The following ALDH1A1 variants were observed in gnomAD, a reference collection of about 807,000 sequenced individuals.
ALDH1A1 encodes aldehyde dehydrogenase 1A1.
A neutral mutation model predicts 62.1 loss-of-function variants in ALDH1A1; 19 were observed. The observed-to-expected ratio is 0.31, with a 90% CI of 0.21 to 0.45. ALDH1A1 has a LOEUF of 0.45. Among genes scored for constraint, ALDH1A1 ranks in the 20% least tolerant of loss-of-function variants. The pLI, the probability that ALDH1A1 is intolerant of heterozygous loss-of-function variation, is 1.00. For missense variants in ALDH1A1, 521 were observed against 607.1 expected (o/e 0.86, Z 1.49); for synonymous variants, 231 against 215.9 (o/e 1.07, Z -0.61).
At chr9:72,929,740 G>T (rs1222138644) in intron 3 of ALDH1A1, among the ~76,000 whole-genome samples, 3 of 152,260 alleles carry the variant, frequency 2.0e-5, no homozygotes, top group South Asian at 2.1e-4. Flanking sequence ...GAAATGCACA[G>T]GTGATGAACT....
At chr9:72,945,537 T>C (rs1830464962) in intron 1 of ALDH1A1, among the ~76,000 whole-genome samples, 1 of 151,986 alleles carries the variant, frequency 6.6e-6, no homozygotes, top group African/African-American at 2.4e-5. Flanking sequence ...CAGCATAGGC[T>C]GCATGGGTGG....
At chr9:72,950,899 T>C (rs1424115207) in intron 1 of ALDH1A1, among the ~76,000 whole-genome samples, 1 of 151,564 alleles carries the variant, frequency 6.6e-6, no homozygotes, top group South Asian at 2.1e-4. Flanking sequence ...GCAAATTCAA[T>C]CCAATTCTTC....
intron 8 of ALDH1A1, among the ~76,000 whole-genome samples, chr9:72,917,369 T>C (rs1212878500): frequency 6.6e-6 from 1 of 152,112 alleles, no homozygotes; most frequent in Non-Finnish European, 1.5e-5. Context: ...AATGTAGATT[T>C]GATCATGAGA....
At chr9:72,949,433 C>T (rs1214640107) in intron 1 of ALDH1A1, among the ~76,000 whole-genome samples, 1 of 151,852 alleles carries the variant, frequency 6.6e-6, no homozygotes, top group Non-Finnish European at 1.5e-5. Flanking sequence ...AGTGTGTTAG[C>T]TCAAACTGCC....
chr9:72,915,196 C>T (rs915456093), intron 9 of ALDH1A1, among the ~76,000 whole-genome samples: 1 of 152,130 alleles, frequency 6.6e-6, no homozygotes, highest in African/African-American at 2.4e-5. Context: ...GGATTATTTA[C>T]TTTAGAATCT....
chr9:72,908,539 GAAAGAAAAGAAAGAAGAAAGA>G (rs1829916959), intron 11 of ALDH1A1, among the ~76,000 whole-genome samples: 2 of 90,638 alleles, frequency 2.2e-5, no homozygotes, highest in Non-Finnish European at 4.6e-5. Context: ...AAGAAAGAAA[GAAAGAAAAGAAAGAAGAAAGA>G]AAGAAAGAAA....
rs1044554187 is a variant in ALDH1A1, at chr9:72,901,184, C to G, written c.*24G>C. The G allele has an allele frequency of 2.6e-6, 4 of 1,546,276 alleles. No homozygotes were observed. The highest frequency in any genetic ancestry group is 2.7e-6 in the Non-Finnish European group (3 of 1,120,658). ...AAGGAGATGCTTAGCTATTGAAGAG[C>G]TTCTCTCCACTCTTGTATTTTCTTT... On this transcript the variant is annotated 3_prime_UTR_variant, in exon 13 of 13. Coordinates refer to ENST00000297785, the MANE Select transcript of ALDH1A1 (RefSeq NM_000689.5).
At chr9:72,933,168 T>C (rs1474013724) in intron 2 of ALDH1A1, among the ~76,000 whole-genome samples, 3 of 152,222 alleles carry the variant, frequency 2.0e-5, no homozygotes, top group Non-Finnish European at 4.4e-5. Flanking sequence ...TGAATTCTGA[T>C]TCCTCTTCAT....
intron 1 of ALDH1A1, among the ~76,000 whole-genome samples, chr9:72,948,952 T>C (rs1830505746): frequency 6.6e-6 from 1 of 151,764 alleles, no homozygotes; most frequent in African/African-American, 2.4e-5. Context: ...GAGATAATCA[T>C]GGGGGAAAAG....
intron 2 of ALDH1A1, among the ~76,000 whole-genome samples, chr9:72,932,302 T>C (rs1023809487): frequency 1.3e-5 from 2 of 152,152 alleles, no homozygotes; most frequent in East Asian, 1.9e-4. Flanking sequence ...ACAATTAAGC[T>C]AAATCCCATC....
chr9:72,913,048 G>T (rs1004127928), intron 9 of ALDH1A1, among the ~76,000 whole-genome samples: 2 of 152,112 alleles, frequency 1.3e-5, no homozygotes, highest in Non-Finnish European at 2.9e-5. Context: ...AGCTAAGATG[G>T]GTTGGAGGGT....
Position 72,953,024 on chromosome 9 carries a change from AGGTGACT to A in ALDH1A1, c.-31_-25del, listed in dbSNP as rs777438040. On this transcript the variant is annotated 5_prime_UTR_variant, in exon 1 of 13. Coordinates refer to ENST00000297785, the MANE Select transcript of ALDH1A1 (RefSeq NM_000689.5). ...ATTTCTGATTCGGCTCCTGGAACACAGGTGACTGGCTCAGCAATTTGGTTCTGATAGA... is the reference window on the plus strand; with the variant it reads ...ATTTCTGATTCGGCTCCTGGAACACAGGCTCAGCAATTTGGTTCTGATAGA... 12 of 1,612,668 alleles carry A rather than the reference AGGTGACT, an allele frequency of 7.4e-6. No homozygotes were observed. The highest frequency in any genetic ancestry group is 1.0e-5 in the Non-Finnish European group (12 of 1,178,954).
rs189781496 is a variant in ALDH1A1 at position 72,918,829 on chromosome 9, G to C, written c.748-7C>G. 1.1e-5 allele frequency: 18 copies of C among 1,610,478 alleles called. No individual in the cohort carries two copies. The highest frequency in any genetic ancestry group is 1.1e-4 in the African/African-American group (8 of 74,936). On this transcript the variant is annotated splice_polypyrimidine_tract_variant and splice_region_variant and intron_variant, in intron 7 of 12. Coordinates refer to ENST00000297785, the MANE Select transcript of ALDH1A1 (RefSeq NM_000689.5). ...CTTTGATCAACTTGCCAACCTGAAA[G>C]GGAGCATTACAAAGGAGGAGGCTTA...
chr9:72,935,668 A>G (rs1160484195), intron 2 of ALDH1A1, among the ~76,000 whole-genome samples: 1 of 152,144 alleles, frequency 6.6e-6, no homozygotes, highest in South Asian at 2.1e-4. Flanking sequence ...TGAAAAGAAA[A>G]CAGTTCCCAC....
Position 72,932,366 on chromosome 9 carries a change from G to C in ALDH1A1, c.172-1347C>G, listed in dbSNP as rs897768618. Among the ~76,000 whole-genome samples, 5 of 152,034 alleles carry C rather than the reference G, an allele frequency of 3.3e-5. 1 individual carries two copies. The highest frequency in any genetic ancestry group is 3.3e-4 in the Admixed American group (5 of 15,268). On this transcript the variant is annotated intron_variant, in intron 2 of 12. Coordinates refer to ENST00000297785, the MANE Select transcript of ALDH1A1 (RefSeq NM_000689.5). ...CTCAAATTAACATCCTCCTCCTTAG[G>C]CTATATTCAATCAAGAAGACCCACA...
At chr9:72,926,976 G>T (rs1483192174) in intron 5 of ALDH1A1, 140 bp downstream of exon 5, 6 of 608,446 alleles carry the variant, frequency 9.9e-6, no homozygotes, top group Non-Finnish European at 1.7e-5. Context: ...GTCACAGGGA[G>T]ACCAAGTTCA....
At position 72,900,748 on chromosome 9, in the gene ALDH1A1, A is replaced by G. The variant is rs148290597; in HGVS notation, c.*460T>C. 6.5e-6 allele frequency: 1 copy of G among 152,708 alleles called. No individual in the cohort carries two copies. The highest frequency in any genetic ancestry group is 2.4e-5 in the African/African-American group (1 of 41,592). The allele number at this position is 152,708 out of a possible 1,614,324, so 9.5% of individuals were successfully genotyped here. A position where few individuals can be genotyped will look rare whatever the true frequency, so the allele number is the denominator to read the frequency against. ...ACAGGGATTATTTCTTTTGACAAGC[A>G]GACATGACATCCTAGGAAACTTTTC... On this transcript the variant is annotated 3_prime_UTR_variant, in exon 13 of 13. Transcript: ENST00000297785.
At position 72,929,032 on chromosome 9, in the gene ALDH1A1, T is replaced by G. The variant is rs558934997; in HGVS notation, c.313-11A>C. On this transcript the variant is annotated splice_polypyrimidine_tract_variant and intron_variant, in intron 3 of 12. Transcript: ENST00000297785. ...CATTGACTCCATTGTCTGAAAAACA[T>G]GTCAAACACCAAATCTAAAATTCCA... 6.9e-6 allele frequency: 11 copies of G among 1,600,020 alleles called. No homozygotes were observed. In the East Asian group the frequency reaches 2.5e-4, roughly 36 times the overall value.
intron 1 of ALDH1A1, among the ~76,000 whole-genome samples, chr9:72,950,614 G>A (rs1332552030): frequency 1.3e-5 from 2 of 151,638 alleles, no homozygotes; most frequent in African/African-American, 4.8e-5. Flanking sequence ...CCAAGCTTGA[G>A]AGTATGTAGC....
Sources: gnomAD v4.1 joint callset for allele counts (sites outside exome capture counted in the v4.1 genomes callset) on GRCh38, gnomAD v4.1.1 for gene constraint, MANE v1.5 for transcripts, NCBI Gene and HGNC (gene_info 2026-07-23, HGNC 2026-07-21) for gene names.